AAK1: variants seen among roughly 807,000 people sequenced by gnomAD.
AAK1 encodes AP2 associated kinase 1, also known as AP2-associated protein kinase 1.
AAK1 carries 37 observed loss-of-function variants against 116.0 expected under a neutral mutation model. The observed-to-expected ratio is 0.32, with a 90% confidence interval of 0.25 to 0.42. The LOEUF (loss-of-function observed/expected upper bound fraction) is 0.42. Among genes scored for constraint, AAK1 ranks in the 10% least tolerant of loss-of-function variants. AAK1 has a pLI of 1.00. For missense variants in AAK1, 919 were observed against 1,170.6 expected, an observed-to-expected ratio of 0.79 and a Z score of 3.14; for synonymous variants, 458 against 439.9, an observed-to-expected ratio of 1.04 and a Z score of -0.51.
intron 19 of AAK1, among the ~76,000 whole-genome samples, chr2:69,479,765 T>C (rs1675010554): frequency 6.6e-6 from 1 of 152,044 alleles, no homozygotes; most frequent in African/African-American, 2.4e-5. Context: ...AGAGTTTAAG[T>C]TTCTTTTTGA....
At position 69,495,971 on chromosome 2, in the gene AAK1, T is replaced by C. The variant is rs1012584945; in HGVS notation, c.2365+14A>G. ...ATCAAGCTGCTTAACCTCAGAACAG[T>C]TCTGTTCACCTACCTGGTGCATCAG... On this transcript the variant is annotated intron_variant, in intron 17 of 21. Coordinates refer to ENST00000409085, the MANE Select transcript of AAK1 (RefSeq NM_014911.5). 6.5e-7 allele frequency: 1 copy of C among 1,550,024 alleles called. No individual in the cohort carries two copies. Among genetic ancestry groups the C allele is most frequent in the East Asian group, 2.4e-5 (1 of 40,928 alleles).
rs1217041520 is a variant in AAK1 at position 69,472,124 on chromosome 2, T to C, written c.*3745A>G. 1 of 983,440 alleles carries C rather than the reference T, an allele frequency of 1.0e-6. No individual in the cohort carries two copies. The highest frequency in any genetic ancestry group is 1.7e-5 in the African/African-American group (1 of 57,206). 60.9% of individuals were successfully genotyped at this position (983,440 alleles called of 1,614,324 possible). A position where few individuals can be genotyped will look rare whatever the true frequency, so the allele number is the denominator to read the frequency against. On this transcript the variant is annotated 3_prime_UTR_variant, in exon 22 of 22. Transcript: ENST00000409085. Reference sequence around the variant, plus strand: ...CTAAGGAATCACAGAAGTTTCCTTATTCAGAAAATTACAGAAATTAAGTCT... The same window carrying C: ...CTAAGGAATCACAGAAGTTTCCTTACTCAGAAAATTACAGAAATTAAGTCT...
chr2:69,517,749 G>C (rs1362368172), intron 12 of AAK1, among the ~76,000 whole-genome samples: 1 of 139,752 alleles, frequency 7.2e-6, no homozygotes, highest in Non-Finnish European at 1.5e-5. Context: ...AAATAATCCA[G>C]TTTCTCCGAA....
chr2:69,575,381 T>A (rs11885862), intron 2 of AAK1, among the ~76,000 whole-genome samples: 77,859 of 151,614 alleles, frequency 0.51, 22,199 homozygotes, highest in East Asian at 0.78. Context: ...TGCCAAAAAA[T>A]CTCAGTAGTC....
intron 2 of AAK1, among the ~76,000 whole-genome samples, chr2:69,613,650 A>AG (rs1478301551): frequency 1.3e-5 from 2 of 152,146 alleles, no homozygotes; most frequent in African/African-American, 4.8e-5. Flanking sequence ...CCCTAAATAA[A>AG]GGGGTTTAAA....
intron 2 of AAK1, among the ~76,000 whole-genome samples, chr2:69,639,685 C>T (rs966231711): frequency 6.6e-6 from 1 of 152,102 alleles, no homozygotes; most frequent in Non-Finnish European, 1.5e-5. Context: ...AGATCATCAG[C>T]GGAATGTGGT....
intron 2 of AAK1, among the ~76,000 whole-genome samples, chr2:69,570,693 G>A (rs180863276): frequency 3.7e-4 from 57 of 152,262 alleles, no homozygotes; most frequent in African/African-American, 1.3e-3. Context: ...CTTAGCACGT[G>A]GTAGATGATT....
At chr2:69,502,101 G>C (rs1676000336) in intron 16 of AAK1, among the ~76,000 whole-genome samples, 1 of 152,084 alleles carries the variant, frequency 6.6e-6, no homozygotes, top group Non-Finnish European at 1.5e-5. Context: ...CCTCTGGCTA[G>C]AGTTACCAAG....
chr2:69,488,147 G>T (rs199604603), intron 17 of AAK1, among the ~76,000 whole-genome samples: 4 of 103,642 alleles, frequency 3.9e-5, no homozygotes, highest in African/African-American at 8.6e-5. Context: ...TGTGTGTGTG[G>T]ACGTGTGTGT....
chr2:69,643,391 C>A, intron 1 of AAK1, 117 bp from the exon 2 acceptor site: 1 of 1,183,218 alleles, frequency 8.5e-7, no homozygotes. Context: ...TGTATTTTCC[C>A]GGCGAGAAAA....
intron 13 of AAK1, 50 bp downstream of exon 13, chr2:69,514,421 C>T (rs1676504171): frequency 2.0e-6 from 3 of 1,474,756 alleles, no homozygotes; most frequent in Non-Finnish European, 2.7e-6. Context: ...CTAGCTCTCG[C>T]TGCACATTCC....
In AAK1 at chr2:69,520,860, G is replaced by A. The variant is rs763880311; in HGVS notation, c.1184C>T (p.Thr395Ile). Residue 395 changes from threonine (T) to isoleucine (I), a missense_variant, in exon 11 of 22, where the codon ACT becomes ATT. Thr to Ile is a moderately conservative substitution (Grantham distance 89). Around this residue, in one of 4 missense-constraint regions of AAK1, gnomAD observed 214 missense variants for 210.6 expected, o/e 1.02. Coordinates refer to ENST00000409085, the MANE Select transcript of AAK1 (RefSeq NM_014911.5). ...TGCAGCCTGAGGTGGGGGCTGAACA[G>A]TGGCCCTCTTCCGGGGTGTCAGCGC... is the stretch of plus-strand genomic sequence containing the variant. ...QPALTPRKRATVQPPPQAAGS... is the reference protein window; with the variant it reads ...QPALTPRKRAIVQPPPQAAGS... 2 of 1,582,276 alleles carry A rather than the reference G, an allele frequency of 1.3e-6. No individual in the cohort carries two copies. Among genetic ancestry groups the A allele is most frequent in the Non-Finnish European group, 1.7e-6 (2 of 1,166,960 alleles).
intron 8 of AAK1, 129 bp from the exon 9 acceptor site, chr2:69,527,448 A>G: frequency 3.2e-6 from 2 of 627,036 alleles, no homozygotes; most frequent in Admixed American, 2.6e-5. Context: ...GTCAGACAGT[A>G]TAATTATCCC....
chr2:69,619,624 G>A (rs1674497434), intron 2 of AAK1, among the ~76,000 whole-genome samples: 1 of 150,318 alleles, frequency 6.7e-6, no homozygotes, highest in South Asian at 2.1e-4. Context: ...CAGGGAAGAG[G>A]GAGGGAGTGC....
intron 16 of AAK1, among the ~76,000 whole-genome samples, chr2:69,500,664 AATATAT>A (rs34635707): frequency 0.011 from 674 of 60,846 alleles, 16 homozygotes; most frequent in East Asian, 0.1. Flanking sequence ...AGTCCCTTAA[AATATAT>A]ATATATATAT....
At chr2:69,563,389 T>G (rs989121274) in intron 2 of AAK1, among the ~76,000 whole-genome samples, 42 of 152,182 alleles carry the variant, frequency 2.8e-4, no homozygotes, top group African/African-American at 9.7e-4. Flanking sequence ...ACTAGGAATA[T>G]GAGACAAAGA....
Position 69,466,262 on chromosome 2 carries a change from G to T in AAK1, c.*9607C>A, listed in dbSNP as rs905523064. 8.5e-6 allele frequency: 11 copies of T among 1,289,672 alleles called. No individual in the cohort carries two copies. The Admixed American group carries it at 1.4e-4, about 16-fold the overall frequency. 79.9% of individuals were successfully genotyped at this position (1,289,672 alleles called of 1,614,324 possible). On this transcript the variant is annotated 3_prime_UTR_variant, in exon 22 of 22. Coordinates refer to ENST00000409085, the MANE Select transcript of AAK1 (RefSeq NM_014911.5). ...GAACGGCTCCTCCCAGCTTCCCCGG[G>T]GGGGGTCTGCAGCTCTCATCTTCTT...
At chr2:69,555,284 T>G (rs1222806193) in intron 3 of AAK1, among the ~76,000 whole-genome samples, 1 of 152,370 alleles carries the variant, frequency 6.6e-6, no homozygotes, top group East Asian at 1.9e-4. Flanking sequence ...TGGTCTTGAC[T>G]GTATGTATAT....
chr2:69,468,554 T>A lies in AAK1; in HGVS notation c.*7315A>T. On this transcript the variant is annotated 3_prime_UTR_variant, in exon 22 of 22. Coordinates refer to ENST00000409085, the MANE Select transcript of AAK1 (RefSeq NM_014911.5). ...CAAAATATCTCTTAGGGAAAAAAAA[T>A]GGAAAACTTAGTCAAGCCAGTGACC... 1.0e-6 allele frequency: 1 copy of A among 985,252 alleles called. No individual in the cohort carries two copies. The highest frequency in any genetic ancestry group is 1.2e-6 in the Non-Finnish European group (1 of 829,890). The allele number at this position is 985,252 out of a possible 1,614,324, so 61.0% of individuals were successfully genotyped here.
Sources: allele counts gnomAD v4.1 joint callset (sites outside exome capture counted in the v4.1 genomes callset), GRCh38; gene constraint gnomAD v4.1.1; regional missense constraint gnomAD v4.1.1; transcripts MANE v1.5; gene names NCBI Gene and HGNC (gene_info 2026-07-23, HGNC 2026-07-21).